Variants in SPON1 observed in about 807,000 individuals in gnomAD.
The protein encoded by SPON1 is spondin 1.
Under a neutral mutation model 111.7 loss-of-function variants are expected in SPON1, and 52 were observed. The observed-to-expected ratio is 0.47, with a 90% confidence interval of 0.37 to 0.59. SPON1 has a LOEUF of 0.59. SPON1 is among the 20% of genes least tolerant of loss of function. SPON1 has a pLI of 0.00. For missense variants in SPON1, 957 were observed against 1,068.5 expected, an observed-to-expected ratio of 0.90 and a Z score of 1.46; for synonymous variants, 410 against 395.8, an observed-to-expected ratio of 1.04 and a Z score of -0.43.
rs576048024 is a variant in SPON1 at position 14,044,505 on chromosome 11, G to A, written c.479+2851G>A. Among the ~76,000 whole-genome samples, 280 of 152,252 alleles carry A rather than the reference G, an allele frequency of 1.8e-3. 1 individual carries two copies. The highest frequency in any genetic ancestry group is 6.4e-3 in the African/African-American group (267 of 41,532). On this transcript the variant is annotated intron_variant, in intron 3 of 15. Coordinates refer to ENST00000576479, the MANE Select transcript of SPON1 (RefSeq NM_006108.4). ...TGCGCACCTGTAGTCCCAGATACTC[G>A]GGAGGCTGAGGCAGGAGAATAACTT...
intron 6 of SPON1, among the ~76,000 whole-genome samples, chr11:14,137,874 A>G (rs564495652): frequency 5.1e-4 from 78 of 152,292 alleles, no homozygotes; most frequent in African/African-American, 1.8e-3. Flanking sequence ...CAGGTTCCCC[A>G]GCTCCTGGGA....
chr11:14,069,865 G>A (rs7950070), intron 3 of SPON1, among the ~76,000 whole-genome samples: 3,154 of 152,040 alleles, frequency 0.021, 106 homozygotes, highest in African/African-American at 0.071. Context: ...TGTAGATAGA[G>A]TCTTGTAGAT....
intron 6 of SPON1, among the ~76,000 whole-genome samples, chr11:14,218,427 TC>T (rs1281251158): frequency 1.3e-5 from 2 of 152,152 alleles, no homozygotes; most frequent in Non-Finnish European, 2.9e-5. Flanking sequence ...CATTATGTGT[TC>T]CCATTGGTCC....
chr11:13,982,828 CT>C lies in SPON1; in HGVS notation c.239-13del, dbSNP rs782357732. 2 of 1,508,628 alleles carry C rather than the reference CT, an allele frequency of 1.3e-6. No individual in the cohort carries two copies. The highest frequency in any genetic ancestry group is 1.8e-6 in the Non-Finnish European group (2 of 1,107,578). The allele number at this position is 1,508,628 out of a possible 1,614,324, so 93.5% of individuals were successfully genotyped here. ...AATTGATTCTTATACTTAAAACCTG[CT>C]TTTTTCTCTCTCTGCAGTAACACTT... On this transcript the variant is annotated intron_variant, in intron 1 of 15. Coordinates refer to ENST00000576479, the MANE Select transcript of SPON1 (RefSeq NM_006108.4).
intron 2 of SPON1, among the ~76,000 whole-genome samples, chr11:14,033,595 A>G (rs1848574066): frequency 1.3e-5 from 2 of 152,198 alleles, no homozygotes; most frequent in Admixed American, 1.3e-4. Flanking sequence ...CAGAGTAAAG[A>G]TGGGTCATGA....
intron 2 of SPON1, among the ~76,000 whole-genome samples, chr11:14,003,288 A>G (rs141907513): frequency 3.2e-3 from 486 of 152,288 alleles, no homozygotes; most frequent in Admixed American, 5.5e-3. Flanking sequence ...AGCACCAGTG[A>G]GATCAGTCCA....
chr11:13,979,523 C>A (rs1272170384), intron 1 of SPON1, among the ~76,000 whole-genome samples: 2 of 152,166 alleles, frequency 1.3e-5, no homozygotes, highest in African/African-American at 2.4e-5. Flanking sequence ...GGAAGCAGGA[C>A]AGCAACTGGG....
intron 3 of SPON1, among the ~76,000 whole-genome samples, chr11:14,063,498 G>A (rs138512843): frequency 6.6e-6 from 1 of 151,938 alleles, no homozygotes; most frequent in East Asian, 1.9e-4. Flanking sequence ...GAAAGATTAG[G>A]AAACAGGACA....
At chr11:14,159,884 T>A (rs1554930744) in intron 6 of SPON1, among the ~76,000 whole-genome samples, 1 of 13,166 alleles carries the variant, frequency 7.6e-5, no homozygotes, top group Non-Finnish European at 1.4e-4. Flanking sequence ...TTCCAGAGGC[T>A]GGGAAGGGTA....
chr11:14,110,145 T>C (rs558367116), intron 5 of SPON1, among the ~76,000 whole-genome samples: 5 of 152,266 alleles, frequency 3.3e-5, no homozygotes, highest in Admixed American at 6.5e-5. Flanking sequence ...TAAAGCCTTC[T>C]AACACCTGAC....
At chr11:14,192,876 A>G (rs1848362689) in intron 6 of SPON1, among the ~76,000 whole-genome samples, 1 of 152,134 alleles carries the variant, frequency 6.6e-6, no homozygotes, top group Admixed American at 6.5e-5. Context: ...ACCAAACCAG[A>G]GATGCTGGTG....
At chr11:14,021,366 C>T (rs541587073) in intron 2 of SPON1, among the ~76,000 whole-genome samples, 7 of 152,232 alleles carry the variant, frequency 4.6e-5, no homozygotes, top group African/African-American at 1.4e-4. Flanking sequence ...AGTAGTTCTG[C>T]ACCAACAAGT....
chr11:14,082,041 T>C (rs1279644135), intron 5 of SPON1, among the ~76,000 whole-genome samples: 8 of 152,116 alleles, frequency 5.3e-5, no homozygotes, highest in African/African-American at 1.4e-4. Flanking sequence ...ACAAGCACGA[T>C]GGAAAAATTT....
At chr11:14,244,921 C>T (rs1037445379) in intron 7 of SPON1, among the ~76,000 whole-genome samples, 1 of 152,216 alleles carries the variant, frequency 6.6e-6, no homozygotes, top group Non-Finnish European at 1.5e-5. Context: ...ATACAGGCCA[C>T]CCCGAATCCT....
At chr11:14,054,714 C>T (rs1289811994) in intron 3 of SPON1, among the ~76,000 whole-genome samples, 1 of 152,070 alleles carries the variant, frequency 6.6e-6, no homozygotes, top group Non-Finnish European at 1.5e-5. Flanking sequence ...GTGACTAGGC[C>T]ACAATCCCAG....
chr11:14,258,527 C>T (rs192891542), intron 11 of SPON1, among the ~76,000 whole-genome samples: 21 of 152,306 alleles, frequency 1.4e-4, no homozygotes, highest in Middle Eastern at 3.4e-3. Context: ...GATAGATCTA[C>T]GCTATTCTGC....
chr11:14,032,735 C>T (rs2078023015), intron 2 of SPON1, among the ~76,000 whole-genome samples: 1 of 152,142 alleles, frequency 6.6e-6, no homozygotes, highest in African/African-American at 2.4e-5. Flanking sequence ...CTACTTTTTA[C>T]TCTATCACAC....
chr11:14,029,375 A>T (rs1431127500), intron 2 of SPON1, among the ~76,000 whole-genome samples: 1 of 152,198 alleles, frequency 6.6e-6, no homozygotes, highest in African/African-American at 2.4e-5. Context: ...ATGCACAGTG[A>T]TTATAATATA....
chr11:13,981,682 A>G (rs1848145996), intron 1 of SPON1, among the ~76,000 whole-genome samples: 1 of 152,206 alleles, frequency 6.6e-6, no homozygotes, highest in Non-Finnish European at 1.5e-5. Context: ...TGAAGAGTAT[A>G]ACAGACTTAT....
Sources: gnomAD v4.1 joint callset for allele counts (sites outside exome capture counted in the v4.1 genomes callset) on GRCh38, gnomAD v4.1.1 for gene constraint, MANE v1.5 for transcripts, NCBI Gene and HGNC (gene_info 2026-07-23, HGNC 2026-07-21) for gene names.